Variants in CWF19L2 observed in about 807,000 individuals in gnomAD.
CWF19L2 encodes CWF19 like cell cycle control factor 2, also known as CWF19-like protein 2.
In CWF19L2, 98 loss-of-function variants were observed where a neutral mutation model predicts 111.7. That is an observed-to-expected ratio of 0.88 (90% confidence interval 0.75 to 1.04). The LOEUF (loss-of-function observed/expected upper bound fraction) is 1.04, where lower values mean the gene tolerates loss of function less well. CWF19L2 is among the 50% of genes least tolerant of loss of function. The pLI is 0.00. For missense variants in CWF19L2, 1,101 were observed against 1,051.4 expected (o/e 1.05, Z -0.65); for synonymous variants, 351 against 342.9 (o/e 1.02, Z -0.26).
intron 10 of CWF19L2, among the ~76,000 whole-genome samples, chr11:107,395,705 G>A (rs485991): frequency 0.81 from 122,593 of 152,176 alleles, 50,052 homozygotes; most frequent in African/African-American, 0.94. Flanking sequence ...TTTCTTCTGC[G>A]TGGAACAATT....
chr11:107,416,306 AAG>A lies in CWF19L2; in HGVS notation c.1528-10_1528-9del. 1 of 1,270,584 alleles carries A rather than the reference AAG, an allele frequency of 7.9e-7. No individual in the cohort carries two copies. The highest frequency in any genetic ancestry group is 1.1e-6 in the Non-Finnish European group (1 of 929,374). The allele number at this position is 1,270,584 out of a possible 1,614,324, so 78.7% of individuals were successfully genotyped here. On this transcript the variant is annotated splice_polypyrimidine_tract_variant and intron_variant, in intron 9 of 17. Transcript: ENST00000282251. ...AAGTTGTTCAGCTAATTCCTTCAAA[AAG>A]AAAAACAAGTAAAATATGTGCGATA...
chr11:107,404,151 A>G, intron 10 of CWF19L2: 1 of 775,960 alleles, frequency 1.3e-6, no homozygotes. Context: ...CAGCTTCTGC[A>G]CGATTTTTTG....
intron 10 of CWF19L2, 37 bp from the exon 11 acceptor site, chr11:107,392,932 G>A (rs1264278702): frequency 8.1e-6 from 10 of 1,236,956 alleles, no homozygotes; most frequent in Non-Finnish European, 1.0e-5. Context: ...TGAAATTATT[G>A]TGAAGAATGT....
At chr11:107,354,076 A>C (rs1279466853) in intron 12 of CWF19L2, among the ~76,000 whole-genome samples, 1 of 151,476 alleles carries the variant, frequency 6.6e-6, no homozygotes, top group Non-Finnish European at 1.5e-5. Context: ...AAAAATTCAC[A>C]TATACACTAT....
Position 107,441,477 on chromosome 11 carries a change from T to G in CWF19L2, c.570+26A>C, listed in dbSNP as rs576044079. The stretch of plus-strand genomic sequence containing the variant: ...AGTTTATTAAAGGTAAATTAGAAAG[T>G]TAAAGCATTTCAAATATTCTCTTAC... On this transcript the variant is annotated intron_variant, in intron 5 of 17. Coordinates refer to ENST00000282251, the MANE Select transcript of CWF19L2 (RefSeq NM_152434.3). 219 of 1,490,048 alleles carry G rather than the reference T, an allele frequency of 1.5e-4. No homozygotes were observed. The Middle Eastern group carries it at 4.1e-3, about 28-fold the overall frequency. 92.3% of individuals were successfully genotyped at this position (1,490,048 alleles called of 1,614,324 possible).
In CWF19L2 at chr11:107,457,695, C is replaced by T. The variant is rs377009702; in HGVS notation, c.105+17G>A. On this transcript the variant is annotated intron_variant, in intron 1 of 17. Coordinates refer to ENST00000282251, the MANE Select transcript of CWF19L2 (RefSeq NM_152434.3). ...CCACAACAATAAATAACTACAAAAG[C>T]CCCAAAACAGAGGTACCTGGCGCAA... 16 of 1,537,898 alleles carry T rather than the reference C, an allele frequency of 1.0e-5. No individual in the cohort carries two copies. The South Asian group carries it at 1.7e-4, about 16-fold the overall frequency.
chr11:107,408,474 T>G (rs1861112280), intron 10 of CWF19L2, among the ~76,000 whole-genome samples: 2 of 151,932 alleles, frequency 1.3e-5, no homozygotes, highest in African/African-American at 4.8e-5. Flanking sequence ...ACGATGAATT[T>G]TATGTGAGGT....
rs61304388 is a variant in CWF19L2, at chr11:107,433,880, TTATATATATATATATATATATA to T, written c.665-153_665-132del. 95 of 122,252 alleles carry T rather than the reference TTATATATATATATATATATATA, an allele frequency of 7.8e-4. 1 individual carries two copies. Among genetic ancestry groups the T allele is most frequent in the Admixed American group, 1.5e-3 (17 of 11,428 alleles). The allele number at this position is 122,252 out of a possible 1,614,324, so 7.6% of individuals were successfully genotyped here. A position where few individuals can be genotyped will look rare whatever the true frequency, so the allele number is the denominator to read the frequency against. On this transcript the variant is annotated intron_variant, in intron 6 of 17. Transcript: ENST00000282251. ...TAAATATATAAGTGCCTTTGGAATT[TTATATATATATATATATATATA>T]TATATATATATATATATATTTCAGT... is the stretch of plus-strand genomic sequence containing the variant.
At chr11:107,334,856 T>C in intron 16 of CWF19L2, 25 bp downstream of exon 16, 4 of 1,414,296 alleles carry the variant, frequency 2.8e-6, no homozygotes, top group Non-Finnish European at 4.0e-6. Flanking sequence ...GGGTAATTTC[T>C]TTTACCAGGA....
rs143345073 is a variant in CWF19L2 at position 107,353,594 on chromosome 11, A to G, written c.2015T>C (p.Met672Thr). ...GTCAAAACAATACAGACATTTTTCC[A>G]TTTGTGCAGCAAGACTCCGATGCTC... ...IAEHRSLAAQ[M>T]EKCLYCFDSS... Residue 672 changes from methionine to threonine, a missense_variant, in exon 13 of 18, where the codon ATG becomes ACG. Coordinates refer to ENST00000282251, the MANE Select transcript of CWF19L2 (RefSeq NM_152434.3). 5.0e-6 allele frequency: 8 copies of G among 1,613,712 alleles called. No individual in the cohort carries two copies. Among genetic ancestry groups the G allele is most frequent in the Non-Finnish European group, 5.9e-6 (7 of 1,179,786 alleles).
rs903995385 is a variant in CWF19L2 at position 107,348,017 on chromosome 11, T to C, written c.2202+920A>G. On this transcript the variant is annotated intron_variant, in intron 14 of 17. Transcript: ENST00000282251. ...ACCTACTGGCACTGGCATCCACTAC[T>C]AGGAAAACGCAAACTTTCACATCAA... 2.0e-5 allele frequency among the ~76,000 whole-genome samples: 3 copies of C among 152,144 alleles called. No individual in the cohort carries two copies. In the East Asian group the frequency reaches 5.8e-4, roughly 29 times the overall value.
In CWF19L2 at chr11:107,357,399, A is replaced by G. The variant is rs146373124; in HGVS notation, c.1873-3663T>C. Among the ~76,000 whole-genome samples the G allele has an allele frequency of 4.4e-3, 663 of 152,356 alleles. 4 individuals carry two copies. Among genetic ancestry groups the G allele is most frequent in the African/African-American group, 0.015 (614 of 41,584 alleles). On this transcript the variant is annotated intron_variant, in intron 12 of 17. Coordinates refer to ENST00000282251, the MANE Select transcript of CWF19L2 (RefSeq NM_152434.3). ...TCCAAAATATATTAACAGGAGCACAATACACATTTATACATACATAATTGT... is the reference window on the plus strand; with the variant it reads ...TCCAAAATATATTAACAGGAGCACAGTACACATTTATACATACATAATTGT...
At chr11:107,451,393 G>A (rs1220042497) in intron 3 of CWF19L2, among the ~76,000 whole-genome samples, 1 of 151,928 alleles carries the variant, frequency 6.6e-6, no homozygotes, top group East Asian at 1.9e-4. Flanking sequence ...ATTCATCTTA[G>A]AAAGTTAGAA....
At chr11:107,346,575 A>T (rs1463018802) in intron 14 of CWF19L2, among the ~76,000 whole-genome samples, 1 of 152,168 alleles carries the variant, frequency 6.6e-6, no homozygotes, top group Non-Finnish European at 1.5e-5. Flanking sequence ...ATGGACGTGG[A>T]GGTGAAGGTG....
intron 10 of CWF19L2, among the ~76,000 whole-genome samples, chr11:107,412,759 A>G (rs1313387994): frequency 6.6e-6 from 1 of 152,264 alleles, no homozygotes; most frequent in Non-Finnish European, 1.5e-5. Context: ...TAGGTGAATG[A>G]ATAAGTAAAA....
chr11:107,397,417 G>C (rs1217221960), intron 10 of CWF19L2, among the ~76,000 whole-genome samples: 1 of 152,022 alleles, frequency 6.6e-6, no homozygotes, highest in African/African-American at 2.4e-5. Flanking sequence ...CTGACAACCT[G>C]CATGACTCAG....
intron 14 of CWF19L2, among the ~76,000 whole-genome samples, chr11:107,337,852 T>C (rs193137429): frequency 6.6e-6 from 1 of 152,334 alleles, no homozygotes; most frequent in East Asian, 1.9e-4. Context: ...TATTTAAACA[T>C]TTTGTTTTGA....
intron 12 of CWF19L2, among the ~76,000 whole-genome samples, chr11:107,371,282 C>G (rs1282835464): frequency 7.3e-6 from 1 of 137,320 alleles, no homozygotes; most frequent in Non-Finnish European, 1.6e-5. Flanking sequence ...GGATTACAGG[C>G]GTGAGCCACC....
At chr11:107,445,941 T>C (rs979571807) in intron 3 of CWF19L2, among the ~76,000 whole-genome samples, 21 of 152,158 alleles carry the variant, frequency 1.4e-4, no homozygotes, top group Non-Finnish European at 2.9e-5. Context: ...TTTATGGGAC[T>C]TTCTGGAAGT....
Sources: allele counts gnomAD v4.1 joint callset (sites outside exome capture counted in the v4.1 genomes callset), GRCh38; gene constraint gnomAD v4.1.1; transcripts MANE v1.5; gene names NCBI Gene and HGNC (gene_info 2026-07-23, HGNC 2026-07-21).